The following DENND5A variants were observed in gnomAD, a reference collection of about 807,000 sequenced individuals.
DENND5A encodes DENN domain-containing protein 5A.
In DENND5A, 64 loss-of-function variants were observed where a neutral mutation model predicts 140.3. The observed-to-expected ratio is 0.46, with a 90% CI of 0.37 to 0.56. The LOEUF (loss-of-function observed/expected upper bound fraction) is 0.56. Ranked by LOEUF, DENND5A falls within the 20% of genes least tolerant of loss-of-function variation. The pLI is 0.00. For synonymous variants in DENND5A, 605 were observed against 607.7 expected (o/e 1.00, Z 0.07); for missense variants, 1,292 against 1,593.8 (o/e 0.81, Z 3.22).
At chr11:9,254,314 GGTCTGGCTTTTT>G (rs1851856580) in intron 1 of DENND5A, among the ~76,000 whole-genome samples, 3 of 151,886 alleles carry the variant, frequency 2.0e-5, no homozygotes, top group African/African-American at 7.3e-5. Flanking sequence ...CCCTAGCCTG[GGTCTGGCTTTTT>G]TAAGCCAGAC....
chr11:9,243,172 C>G (rs536764512), intron 1 of DENND5A, among the ~76,000 whole-genome samples: 1 of 148,902 alleles, frequency 6.7e-6, no homozygotes, highest in East Asian at 2.0e-4. Context: ...AACTCAATGA[C>G]TTTGGCCTCA....
At chr11:9,154,915 C>T (rs564312250) in intron 12 of DENND5A, among the ~76,000 whole-genome samples, 66 of 151,876 alleles carry the variant, frequency 4.3e-4, no homozygotes, top group African/African-American at 1.5e-3. Context: ...TTTGGGAGGC[C>T]GAGGTGGGTG....
chr11:9,218,792 G>A (rs1409650135), intron 1 of DENND5A, among the ~76,000 whole-genome samples: 2 of 152,130 alleles, frequency 1.3e-5, no homozygotes, highest in Non-Finnish European at 2.9e-5. Flanking sequence ...GATCACCTGA[G>A]GTCAGGAGTG....
intron 1 of DENND5A, among the ~76,000 whole-genome samples, chr11:9,225,396 T>C (rs1191246756): frequency 6.6e-6 from 1 of 152,230 alleles, no homozygotes; most frequent in Non-Finnish European, 1.5e-5. Flanking sequence ...TCTATCCATG[T>C]ACTCACCTGA....
intron 12 of DENND5A, among the ~76,000 whole-genome samples, chr11:9,152,993 G>A (rs12419758): frequency 0.075 from 9,658 of 128,882 alleles, 465 homozygotes; most frequent in Admixed American, 0.11. Context: ...GTGAGACGCC[G>A]TCTCAAAAAA....
intron 10 of DENND5A, among the ~76,000 whole-genome samples, chr11:9,168,092 A>ATTTTTTTTT (rs11285106): frequency 0.013 from 1,795 of 141,856 alleles, 31 homozygotes; most frequent in African/African-American, 0.043. Flanking sequence ...AACCTCAGTG[A>ATTTTTTTTT]TTTTTTTTTT....
chr11:9,211,055 T>A (rs1023139847), intron 1 of DENND5A, among the ~76,000 whole-genome samples: 6 of 152,116 alleles, frequency 3.9e-5, no homozygotes, highest in African/African-American at 1.4e-4. Flanking sequence ...GGGAAGAAGG[T>A]CAGCACTTCA....
At chr11:9,159,706 T>C (rs1476082999) in intron 12 of DENND5A, among the ~76,000 whole-genome samples, 1 of 152,244 alleles carries the variant, frequency 6.6e-6, no homozygotes, top group Admixed American at 6.5e-5. Flanking sequence ...TGCTAGGTCA[T>C]ATAAGAACTG....
At chr11:9,170,365 G>T in intron 9 of DENND5A, 1 of 869,076 alleles carries the variant, frequency 1.2e-6, no homozygotes, top group Non-Finnish European at 1.4e-6. Flanking sequence ...CCAGGCATGA[G>T]ATGATTTTAA....
chr11:9,153,317 C>CCCTCCAG (rs2136127660), intron 12 of DENND5A, among the ~76,000 whole-genome samples: 1 of 127,708 alleles, frequency 7.8e-6, no homozygotes, highest in African/African-American at 3.3e-5. Context: ...TGCACTCCAG[C>CCCTCCAG]CTGGGTGACA....
At chr11:9,172,556 G>A (rs761032259) in intron 8 of DENND5A, among the ~76,000 whole-genome samples, 9 of 152,160 alleles carry the variant, frequency 5.9e-5, no homozygotes, top group South Asian at 2.1e-4. Context: ...CTATTCTCGC[G>A]ATAGTGAGTG....
chr11:9,206,836 G>C, intron 2 of DENND5A, 54 bp from the exon 3 acceptor site: 1 of 1,337,348 alleles, frequency 7.5e-7, no homozygotes, highest in Non-Finnish European at 1.1e-6. Context: ...TTAAGTCACA[G>C]GGTTATAAAT....
intron 10 of DENND5A, among the ~76,000 whole-genome samples, chr11:9,169,065 C>T (rs1848280363): frequency 6.6e-6 from 1 of 151,616 alleles, no homozygotes; most frequent in African/African-American, 2.4e-5. Context: ...CTCCTTTAGT[C>T]TTTTAAAGAA....
At chr11:9,224,306 A>G (rs1468016548) in intron 1 of DENND5A, among the ~76,000 whole-genome samples, 1 of 152,168 alleles carries the variant, frequency 6.6e-6, no homozygotes, top group South Asian at 2.1e-4. Context: ...ATGATTCAAC[A>G]TATCTCAAGC....
intron 1 of DENND5A, among the ~76,000 whole-genome samples, chr11:9,240,181 G>C (rs547984023): frequency 6.6e-6 from 1 of 152,062 alleles, no homozygotes; most frequent in Non-Finnish European, 1.5e-5. Context: ...GCCAAGGCTG[G>C]TCAGGAGTTT....
In DENND5A at chr11:9,265,034, G is replaced by A. The variant is rs76048646; in HGVS notation, c.36C>T (p.Pro12=). ...SGGGGGGGSA[P]SRFADYFVIC... is the part of the protein sequence containing the mutation. ...TGACAAAGTAGTCGGCGAAGCGACT[G>A]GGCGCCGAGCCCCCTCCGCCGCCGC... is the stretch of plus-strand genomic sequence containing the variant. Residue 12 remains proline, a synonymous_variant, in exon 1 of 23, where the codon CCC becomes CCT. Transcript: ENST00000328194. The surrounding 1 kb of genome is among the most constrained non-coding windows in gnomAD (Gnocchi z 4.7). The A allele has an allele frequency of 1.3e-3, 2,008 of 1,565,912 alleles. 23 individuals carry two copies. The African/African-American group carries it at 0.025, about 20-fold the overall frequency.
intron 1 of DENND5A, among the ~76,000 whole-genome samples, chr11:9,208,287 C>A (rs1849758986): frequency 6.6e-6 from 1 of 152,236 alleles, no homozygotes; most frequent in South Asian, 2.1e-4. Flanking sequence ...AGATCTTTCA[C>A]CTACGTGGCC....
intron 8 of DENND5A, chr11:9,172,051 G>A (rs1848390846): frequency 1.3e-5 from 2 of 152,174 alleles, no homozygotes; most frequent in Admixed American, 1.3e-4. Flanking sequence ...AAGCCACAGA[G>A]AGAGAGAAAA....
intron 1 of DENND5A, among the ~76,000 whole-genome samples, chr11:9,214,971 T>G (rs1039365114): frequency 2.0e-5 from 3 of 152,056 alleles, no homozygotes; most frequent in Non-Finnish European, 4.4e-5. Flanking sequence ...TGGTCCATTG[T>G]CCACCTTGGC....
Sources: gnomAD v4.1 joint callset for allele counts (sites outside exome capture counted in the v4.1 genomes callset) on GRCh38, gnomAD v4.1.1 for gene constraint, Gnocchi (gnomAD v3.1) non-coding constraint, MANE v1.5 for transcripts, NCBI Gene and HGNC (gene_info 2026-07-23, HGNC 2026-07-21) for gene names.